Variants in CHODL observed in about 807,000 individuals in gnomAD.
The protein encoded by CHODL is chondrolectin.
A neutral mutation model predicts 34.5 loss-of-function variants in CHODL; 29 were observed. That is an observed-to-expected ratio of 0.84 (90% CI 0.63 to 1.15). The LOEUF (loss-of-function observed/expected upper bound fraction) is 1.15. Ranked by LOEUF, CHODL falls within the 50% of genes most tolerant of loss-of-function variation. The pLI is 0.00. For missense variants in CHODL, 332 were observed against 332.5 expected (o/e 1.00, Z 0.01); for synonymous variants, 125 against 116.1 (o/e 1.08, Z -0.49).
chr21:18,022,119 C>T (rs375047691), intron 1 of CHODL, among the ~76,000 whole-genome samples: 16 of 152,190 alleles, frequency 1.1e-4, no homozygotes, highest in African/African-American at 3.9e-4. Flanking sequence ...CAAATCATCA[C>T]AAACTTGAGG....
At chr21:17,996,197 C>G (rs1329447375) in intron 1 of CHODL, among the ~76,000 whole-genome samples, 2 of 151,960 alleles carry the variant, frequency 1.3e-5, no homozygotes, top group East Asian at 3.9e-4. Flanking sequence ...GAACATTATT[C>G]TTTTTGATAA....
intron 2 of CHODL, among the ~76,000 whole-genome samples, chr21:18,180,865 T>G (rs2146676035): frequency 6.6e-6 from 1 of 152,322 alleles, no homozygotes; most frequent in East Asian, 1.9e-4. Flanking sequence ...TAATCAAAAC[T>G]TTTTGAACTT....
chr21:18,015,393 C>T (rs1484600988), intron 1 of CHODL, among the ~76,000 whole-genome samples: 3 of 152,170 alleles, frequency 2.0e-5, no homozygotes, highest in Non-Finnish European at 4.4e-5. Context: ...GCCTCCCCAG[C>T]CATGCTTCCT....
chr21:18,104,235 A>G (rs1216530697), intron 2 of CHODL, among the ~76,000 whole-genome samples: 3 of 152,056 alleles, frequency 2.0e-5, no homozygotes, highest in Non-Finnish European at 4.4e-5. Context: ...TTGAATTGTA[A>G]TCACCATACA....
intron 2 of CHODL, among the ~76,000 whole-genome samples, chr21:18,031,773 C>T (rs892452289): frequency 4.6e-5 from 7 of 152,198 alleles, no homozygotes; most frequent in African/African-American, 1.7e-4. Flanking sequence ...CAATAAATTA[C>T]ACTATTAGAG....
chr21:18,180,988 T>G (rs1275188867), intron 2 of CHODL, among the ~76,000 whole-genome samples: 1 of 152,202 alleles, frequency 6.6e-6, no homozygotes, highest in Non-Finnish European at 1.5e-5. Flanking sequence ...AAATGCTAAA[T>G]AAATTATAAT....
At chr21:18,209,011 A>G (rs2073745334) in intron 2 of CHODL, among the ~76,000 whole-genome samples, 2 of 152,010 alleles carry the variant, frequency 1.3e-5, no homozygotes, top group Non-Finnish European at 2.9e-5. Flanking sequence ...GCCCATGGTA[A>G]CCATTGCCTG....
At chr21:17,985,766 C>T (rs970413468) in intron 1 of CHODL, among the ~76,000 whole-genome samples, 15 of 152,148 alleles carry the variant, frequency 9.9e-5, no homozygotes, top group African/African-American at 3.6e-4. Context: ...GGGGAAATAA[C>T]CACTTAAACT....
chr21:18,127,672 GTTTTTTT>G (rs71318127), intron 2 of CHODL, among the ~76,000 whole-genome samples: 91 of 70,046 alleles, frequency 1.3e-3, no homozygotes, highest in African/African-American at 4.1e-3. Flanking sequence ...CGTTGCCATT[GTTTTTTT>G]TTTTTTTTTT....
intron 2 of CHODL, among the ~76,000 whole-genome samples, chr21:18,174,152 T>TAA (rs2073273520): frequency 1.6e-5 from 2 of 125,840 alleles, no homozygotes; most frequent in East Asian, 2.1e-4. Flanking sequence ...TATATATATA[T>TAA]ATATATATAA....
intron 2 of CHODL, among the ~76,000 whole-genome samples, chr21:18,039,586 T>C (rs1235100359): frequency 1.3e-5 from 2 of 151,722 alleles, no homozygotes; most frequent in Non-Finnish European, 3.0e-5. Context: ...TTGGCCAACT[T>C]TTCATTCGAC....
intron 1 of CHODL, among the ~76,000 whole-genome samples, chr21:17,939,850 T>C (rs73321585): frequency 0.027 from 4,163 of 152,320 alleles, 164 homozygotes; most frequent in African/African-American, 0.086. Flanking sequence ...CGGAACCCAC[T>C]CTTAAGGCAA....
chr21:18,217,112 G>T (rs1349211572), intron 2 of CHODL, among the ~76,000 whole-genome samples: 1 of 152,160 alleles, frequency 6.6e-6, no homozygotes, highest in Non-Finnish European at 1.5e-5. Context: ...GCATAAATGT[G>T]GAAGTGCATA....
At chr21:17,987,321 A>G (rs2146382966) in intron 1 of CHODL, among the ~76,000 whole-genome samples, 1 of 152,344 alleles carries the variant, frequency 6.6e-6, no homozygotes, top group East Asian at 1.9e-4. Flanking sequence ...TATCCAGGCC[A>G]GAATTACTTC....
At chr21:17,936,016 T>C (rs1427824932) in intron 1 of CHODL, among the ~76,000 whole-genome samples, 5 of 152,224 alleles carry the variant, frequency 3.3e-5, no homozygotes, top group African/African-American at 1.2e-4. Context: ...AGGGGCTGCT[T>C]TATCAGCTTG....
chr21:18,206,831 G>C (rs987160082), intron 2 of CHODL, among the ~76,000 whole-genome samples: 1 of 149,654 alleles, frequency 6.7e-6, no homozygotes, highest in African/African-American at 2.5e-5. Flanking sequence ...ATTTGAGGTT[G>C]TCATAAGGCT....
chr21:18,034,304 G>A (rs1287177195), intron 2 of CHODL, among the ~76,000 whole-genome samples: 3 of 152,024 alleles, frequency 2.0e-5, no homozygotes, highest in African/African-American at 2.4e-5. Context: ...TGCACCAGGT[G>A]ACCTGAAATA....
intron 2 of CHODL, 54 bp from the exon 3 acceptor site, chr21:18,256,916 C>T (rs538578282): frequency 1.3e-6 from 2 of 1,589,516 alleles, no homozygotes; most frequent in East Asian, 4.5e-5. Flanking sequence ...GTAGGACAGG[C>T]AGAATCATTT....
chr21:17,978,519 C>T (rs573816214), intron 1 of CHODL, among the ~76,000 whole-genome samples: 112 of 150,878 alleles, frequency 7.4e-4, no homozygotes, highest in South Asian at 7.1e-3. Flanking sequence ...GAGATCGAGA[C>T]GATCCTGGCT....
Sources: gnomAD v4.1 joint callset for allele counts (sites outside exome capture counted in the v4.1 genomes callset) on GRCh38, gnomAD v4.1.1 for gene constraint, MANE v1.5 for transcripts, NCBI Gene and HGNC (gene_info 2026-07-23, HGNC 2026-07-21) for gene names.